OSGIN2: variants seen among roughly 807,000 people sequenced by gnomAD.
OSGIN2 encodes oxidative stress-induced growth inhibitor 2.
In OSGIN2, 19 loss-of-function variants were observed where a neutral mutation model predicts 53.8. The ratio of observed to expected loss-of-function variants is 0.35; its 90% CI spans 0.25 to 0.52. OSGIN2 has a LOEUF of 0.52. Among genes scored for constraint, OSGIN2 ranks in the 20% least tolerant of loss-of-function variants. The pLI is 0.95. For synonymous variants in OSGIN2, 236 were observed against 236.0 expected, an observed-to-expected ratio of 1.00 and a Z score of 0.00; for missense variants, 520 against 662.7, an observed-to-expected ratio of 0.78 and a Z score of 2.36.
intron 4 of OSGIN2, 152 bp downstream of exon 4, chr8:89,914,898 G>A: frequency 1.5e-6 from 1 of 651,564 alleles, no homozygotes; most frequent in Non-Finnish European, 2.6e-6. Flanking sequence ...AGTTAAATAT[G>A]GGTTTATTAC....
rs1329881010 is a variant in OSGIN2 at position 89,926,430 on chromosome 8, T to C, written c.*898T>C. 6.6e-6 allele frequency: 1 copy of C among 152,654 alleles called. No individual in the cohort carries two copies. The highest frequency in any genetic ancestry group is 1.5e-5 in the Non-Finnish European group (1 of 68,018). 9.5% of individuals were successfully genotyped at this position (152,654 alleles called of 1,614,324 possible). ...TGTGTGAACATTGAATTACTTTCTGTCACTGAAACTGAGGTATTTGGGTGT... is the reference window on the plus strand; with the variant it reads ...TGTGTGAACATTGAATTACTTTCTGCCACTGAAACTGAGGTATTTGGGTGT... On this transcript the variant is annotated 3_prime_UTR_variant, in exon 6 of 6. Transcript: ENST00000451899.
chr8:89,902,491 G>C (rs1020556857), upstream of OSGIN2: 1 of 152,900 alleles, frequency 6.5e-6, no homozygotes. Context: ...TGCGAGGAGG[G>C]GCCCGCGCGC....
Position 89,921,102 on chromosome 8 carries a change from C to G in OSGIN2, c.551C>G (p.Thr184Arg). Residue 184 changes from threonine to arginine, a missense_variant, in exon 5 of 6, where the codon ACA (threonine) becomes AGA (arginine). Coordinates refer to ENST00000451899, the MANE Select transcript of OSGIN2 (RefSeq NM_001126111.3). Reference protein sequence around the residue: ...AWHNMEGSMLTISFGSWMELP... With the variant: ...AWHNMEGSMLRISFGSWMELP... Reference sequence around the variant, plus strand: ...TAGAATATGGAAGGCTCCATGTTGACAATCAGCTTTGGAAGTTGGATGGAA... The same window carrying G: ...TAGAATATGGAAGGCTCCATGTTGAGAATCAGCTTTGGAAGTTGGATGGAA... The G allele has an allele frequency of 6.3e-7, 1 of 1,598,148 alleles. No homozygotes were observed. Among genetic ancestry groups the G allele is most frequent in the Non-Finnish European group, 8.5e-7 (1 of 1,170,494 alleles).
intron 4 of OSGIN2, among the ~76,000 whole-genome samples, chr8:89,917,797 T>C (rs766208495): frequency 1.3e-5 from 2 of 152,170 alleles, no homozygotes; most frequent in Non-Finnish European, 2.9e-5. Flanking sequence ...TCCCCTGTTA[T>C]AATGGAAGAG....
chr8:89,912,289 C>T (rs1194675555), intron 2 of OSGIN2, among the ~76,000 whole-genome samples: 2 of 152,192 alleles, frequency 1.3e-5, no homozygotes, highest in African/African-American at 4.8e-5. Flanking sequence ...TATAGGAAAG[C>T]AATATCAGGA....
intron 1 of OSGIN2, among the ~76,000 whole-genome samples, chr8:89,905,647 G>T (rs1367812922): frequency 2.6e-5 from 4 of 152,142 alleles, no homozygotes; most frequent in Non-Finnish European, 4.4e-5. Flanking sequence ...CAAATAGGAG[G>T]CAGGTTTACT....
In OSGIN2 at chr8:89,914,631, A is replaced by C; in HGVS notation, c.413A>C (p.His138Pro). The stretch of plus-strand genomic sequence containing the variant: ...GCAGTACTTTTCGATACACTTCTTC[A>C]TCCAGATGCTGACTTTGGGTATGAT... Reference protein sequence around the residue: ...PVAVLFDTLLHPDADFGYDYP... With the variant: ...PVAVLFDTLLPPDADFGYDYP... Residue 138 changes from histidine (H) to proline (P), a missense_variant, in exon 4 of 6, where the codon CAT becomes CCT. Physicochemically the swap from His to Pro is moderately conservative, Grantham distance 77 (BLOSUM62 -2). Transcript: ENST00000451899. 1 of 1,614,050 alleles carries C rather than the reference A, an allele frequency of 6.2e-7. No homozygotes were observed.
chr8:89,914,063 T>C lies in OSGIN2; in HGVS notation c.200-14T>C. On this transcript the variant is annotated splice_polypyrimidine_tract_variant and intron_variant, in intron 2 of 5. Coordinates refer to ENST00000451899, the MANE Select transcript of OSGIN2 (RefSeq NM_001126111.3). ...ATGCATGACCTACCCCTTTCCACCT[T>C]TTATTTTTAATAGGAAATGGACCCT... 6.2e-7 allele frequency: 1 copy of C among 1,607,734 alleles called. No homozygotes were observed. Among genetic ancestry groups the C allele is most frequent in the Non-Finnish European group, 8.5e-7 (1 of 1,176,980 alleles).
chr8:89,911,452 A>C lies in OSGIN2; in HGVS notation c.199+1731A>C, dbSNP rs199769698. On this transcript the variant is annotated intron_variant, in intron 2 of 5. Coordinates refer to ENST00000451899, the MANE Select transcript of OSGIN2 (RefSeq NM_001126111.3). ...CGAGACCAGCCTGGCCAACATGGTG[A>C]AACCCCGTCTCTACTAAAAATACAA... is the stretch of plus-strand genomic sequence containing the variant. 5.1e-4 allele frequency among the ~76,000 whole-genome samples: 77 copies of C among 152,160 alleles called. 1 individual carries two copies. In the East Asian group the frequency reaches 0.014, roughly 28 times the overall value.
rs35635974 is a variant in OSGIN2, at chr8:89,909,011, CAAAA to C, written c.45-532_45-529del. ...GGGTGACAGAGCAAGACCTTGTTTC[CAAAA>C]AAAAAAAAAAAAAAAAAAAAAAATA... On this transcript the variant is annotated intron_variant, in intron 1 of 5. Transcript: ENST00000451899. Among the ~76,000 whole-genome samples the C allele has an allele frequency of 7.7e-3, 295 of 38,242 alleles. 2 individuals are homozygous for C. Among genetic ancestry groups the C allele is most frequent in the Middle Eastern group, 0.05 (1 of 20 alleles). The allele number at this position is 38,242 out of a possible 152,430, so 25.1% of individuals were successfully genotyped here.
Position 89,925,442 on chromosome 8 carries a change from A to C in OSGIN2, c.1560A>C (p.Gly520=), listed in dbSNP as rs750192738. The change falls in exon 6 of 6, where the codon GGA becomes GGC. Residue 520 remains glycine (G), a synonymous_variant. Coordinates refer to ENST00000451899, the MANE Select transcript of OSGIN2 (RefSeq NM_001126111.3). ...VGDNFVRFLK[G]GALGVTRCLA... is the part of the protein sequence containing the mutation. ...ACAATTTTGTTCGATTTTTAAAGGG[A>C]GGGGCGCTGGGTGTTACACGCTGTT... 2.9e-5 allele frequency: 46 copies of C among 1,613,976 alleles called. No individual in the cohort carries two copies. In the South Asian group the frequency reaches 3.3e-4, roughly 12 times the overall value.
chr8:89,907,817 G>A (rs1167743235), intron 1 of OSGIN2, among the ~76,000 whole-genome samples: 1 of 152,170 alleles, frequency 6.6e-6, no homozygotes, highest in Non-Finnish European at 1.5e-5. Flanking sequence ...AGTTTAATGG[G>A]AATAGCATTG....
In OSGIN2 at chr8:89,911,862, C is replaced by T. The variant is rs182768418; in HGVS notation, c.199+2141C>T. Among the ~76,000 whole-genome samples the T allele has an allele frequency of 2.8e-3, 427 of 151,736 alleles. 2 individuals are homozygous for T. The highest frequency in any genetic ancestry group is 0.01 in the African/African-American group (414 of 41,380). ...CTGAGGCAGGAGAATGGTGTGAACCCGTGAGGCAGAGGTTGCAATGAGCCG... is the reference window on the plus strand; with the variant it reads ...CTGAGGCAGGAGAATGGTGTGAACCTGTGAGGCAGAGGTTGCAATGAGCCG... On this transcript the variant is annotated intron_variant, in intron 2 of 5. Coordinates refer to ENST00000451899, the MANE Select transcript of OSGIN2 (RefSeq NM_001126111.3).
chr8:89,911,585 G>A (rs1808967715), intron 2 of OSGIN2, among the ~76,000 whole-genome samples: 1 of 150,100 alleles, frequency 6.7e-6, no homozygotes, highest in African/African-American at 2.5e-5. Flanking sequence ...AGCCGCGATT[G>A]CGCCATTGTA....
Position 89,926,519 on chromosome 8 carries a change from GA to G in OSGIN2, c.*991del, listed in dbSNP as rs1175214405. 1 of 152,568 alleles carries G rather than the reference GA, an allele frequency of 6.6e-6. No homozygotes were observed. The highest frequency in any genetic ancestry group is 2.4e-5 in the African/African-American group (1 of 41,448). The allele number at this position is 152,568 out of a possible 1,614,324, so 9.5% of individuals were successfully genotyped here. On this transcript the variant is annotated 3_prime_UTR_variant, in exon 6 of 6. Coordinates refer to ENST00000451899, the MANE Select transcript of OSGIN2 (RefSeq NM_001126111.3). ...GTCTAAATTATTAAAGGTTAAAATAGAAAATAAAGTCAGAATTTTTCTTTTC... is the reference window on the plus strand; with the variant it reads ...GTCTAAATTATTAAAGGTTAAAATAGAAATAAAGTCAGAATTTTTCTTTTC...
At chr8:89,912,453 C>T (rs536451221) in intron 2 of OSGIN2, among the ~76,000 whole-genome samples, 2 of 152,222 alleles carry the variant, frequency 1.3e-5, no homozygotes, top group East Asian at 1.9e-4. Flanking sequence ...TCAAATTAGT[C>T]TCCTGATAAA....
intron 1 of OSGIN2, 101 bp from the exon 2 acceptor site, chr8:89,909,466 T>G (rs975921359): frequency 9.8e-6 from 6 of 612,904 alleles, no homozygotes; most frequent in Non-Finnish European, 7.5e-6. Context: ...TATGGAATGA[T>G]TAAAATATTT....
Position 89,902,812 on chromosome 8 carries a change from C to G in OSGIN2, c.19C>G (p.Arg7Gly). The change falls in exon 1 of 6, where the codon CGC (arginine) becomes GGC (glycine). Residue 7 changes from arginine (R) to glycine (G), a missense_variant. Physicochemically the swap from Arg to Gly is moderately radical, Grantham distance 125. This residue lies in a region of OSGIN2 where 203 missense variants were observed against 275.3 expected (regional missense o/e 0.74). Coordinates refer to ENST00000451899, the MANE Select transcript of OSGIN2 (RefSeq NM_001126111.3). Reference sequence around the variant, plus strand: ...GCGCTCCATGCCCGTGTGGTGCTGCCGCTGCTCCCTGGCCGGTCATTTCAG... The same window carrying G: ...GCGCTCCATGCCCGTGTGGTGCTGCGGCTGCTCCCTGGCCGGTCATTTCAG... MPVWCC[R>G]CSLAGHFRNY... The G allele has an allele frequency of 7.3e-7, 1 of 1,367,966 alleles. No individual in the cohort carries two copies. 84.7% of individuals were successfully genotyped at this position (1,367,966 alleles called of 1,614,324 possible). A position where few individuals can be genotyped will look rare whatever the true frequency, so the allele number is the denominator to read the frequency against.
Position 89,914,604 on chromosome 8 carries a change from T to C in OSGIN2, c.386T>C (p.Val129Ala). The C allele has an allele frequency of 1.2e-6, 2 of 1,614,140 alleles. No individual in the cohort carries two copies. Among genetic ancestry groups the C allele is most frequent in the Non-Finnish European group, 1.7e-6 (2 of 1,179,964 alleles). ...EGLEGRSSNP[V>A]AVLFDTLLHP... ...CTTGAGGGCCGATCATCCAATCCAG[T>C]TGCAGTACTTTTCGATACACTTCTT... Residue 129 changes from valine to alanine, a missense_variant, in exon 4 of 6, where the codon GTT becomes GCT. By Grantham distance (64) the Val-to-Ala change is moderately conservative (BLOSUM62 0). Coordinates refer to ENST00000451899, the MANE Select transcript of OSGIN2 (RefSeq NM_001126111.3).
Sources: gnomAD v4.1 joint callset for allele counts (sites outside exome capture counted in the v4.1 genomes callset) on GRCh38, gnomAD v4.1.1 for gene constraint, gnomAD v4.1.1 regional missense constraint, MANE v1.5 for transcripts, NCBI Gene and HGNC (gene_info 2026-07-23, HGNC 2026-07-21) for gene names.